Variants in SLC25A21 observed in about 807,000 individuals in gnomAD.
The protein encoded by SLC25A21 is solute carrier family 25 member 21, also known as mitochondrial 2-oxodicarboxylate carrier.
SLC25A21 carries 47 observed loss-of-function variants against 43.8 expected under a neutral mutation model. That is an observed-to-expected ratio of 1.07 (90% CI 0.85 to 1.37). The LOEUF (loss-of-function observed/expected upper bound fraction) is 1.37, where lower values mean the gene tolerates loss of function less well. SLC25A21 is among the 40% of genes most tolerant of loss of function. The probability of loss-of-function intolerance (pLI) is 0.00; values close to 1 mark genes in which losing one functional copy is unlikely to be tolerated. For synonymous variants in SLC25A21, 131 were observed against 121.3 expected, an observed-to-expected ratio of 1.08 and a Z score of -0.52; for missense variants, 352 against 350.2, an observed-to-expected ratio of 1.00 and a Z score of -0.04.
chr14:37,034,007 G>A (rs911189422), intron 1 of SLC25A21, among the ~76,000 whole-genome samples: 5 of 148,932 alleles, frequency 3.4e-5, no homozygotes, highest in African/African-American at 1.2e-4. Flanking sequence ...TGGGATTCTG[G>A]GGAGGTCACA....
At chr14:36,882,199 A>G (rs1316762481) in intron 1 of SLC25A21, among the ~76,000 whole-genome samples, 1 of 152,176 alleles carries the variant, frequency 6.6e-6, no homozygotes, top group South Asian at 2.1e-4. Context: ...TTTGGCCAAC[A>G]TGGTAAAACC....
At chr14:37,005,966 T>C (rs897405941) in intron 1 of SLC25A21, among the ~76,000 whole-genome samples, 10 of 152,202 alleles carry the variant, frequency 6.6e-5, no homozygotes, top group Non-Finnish European at 1.3e-4. Flanking sequence ...TCAAACTTTA[T>C]TGCACATAAC....
Position 36,679,486 on chromosome 14 carries a change from AC to A in SLC25A21, c.*1171del. ...ACTTTCAGTTATTCTTGTTGACTTT[AC>A]TGAATCAGCATCATCTCTGGATGCA... On this transcript the variant is annotated 3_prime_UTR_variant, in exon 10 of 10. Transcript: ENST00000331299. 4 of 985,400 alleles carry A rather than the reference AC, an allele frequency of 4.1e-6. No individual in the cohort carries two copies. Among genetic ancestry groups the A allele is most frequent in the Non-Finnish European group, 4.8e-6 (4 of 829,914 alleles). The allele number at this position is 985,400 out of a possible 1,614,324, so 61.0% of individuals were successfully genotyped here. A position where few individuals can be genotyped will look rare whatever the true frequency, so the allele number is the denominator to read the frequency against.
intron 5 of SLC25A21, among the ~76,000 whole-genome samples, chr14:36,725,965 G>C (rs1566542847): frequency 6.6e-6 from 1 of 152,154 alleles, no homozygotes; most frequent in Non-Finnish European, 1.5e-5. Context: ...TTGTTTTACT[G>C]ATTTAAAGGT....
chr14:36,728,731 T>C (rs995650889), intron 5 of SLC25A21, among the ~76,000 whole-genome samples: 1 of 152,238 alleles, frequency 6.6e-6, no homozygotes, highest in Non-Finnish European at 1.5e-5. Context: ...TCCATTTCAT[T>C]GGACAAATGA....
chr14:36,985,087 A>G (rs530302654), intron 1 of SLC25A21, among the ~76,000 whole-genome samples: 76 of 151,424 alleles, frequency 5.0e-4, no homozygotes, highest in African/African-American at 1.3e-3. Context: ...CAAAAAACCA[A>G]ACACCGCATA....
chr14:36,770,664 G>C (rs1359721318), intron 3 of SLC25A21, among the ~76,000 whole-genome samples: 1 of 152,102 alleles, frequency 6.6e-6, no homozygotes, highest in Non-Finnish European at 1.5e-5. Flanking sequence ...TAGACATCAG[G>C]CTCTTGGTGA....
At position 37,123,718 on chromosome 14, in the gene SLC25A21, G is replaced by C. The variant is rs531768379; in HGVS notation, c.70+48563C>G. Among the ~76,000 whole-genome samples, 4 of 152,074 alleles carry C rather than the reference G, an allele frequency of 2.6e-5. No individual in the cohort carries two copies. In the South Asian group the frequency reaches 8.3e-4, roughly 32 times the overall value. ...TCCTATAAATGGGATTTTAAACACA[G>C]AAACTAAAGACTATAAGGAGGGGCA... is the stretch of plus-strand genomic sequence containing the variant. On this transcript the variant is annotated intron_variant, in intron 1 of 9. Coordinates refer to ENST00000331299, the MANE Select transcript of SLC25A21 (RefSeq NM_030631.4).
At chr14:36,789,131 T>C (rs1432321030) in intron 3 of SLC25A21, among the ~76,000 whole-genome samples, 2 of 152,226 alleles carry the variant, frequency 1.3e-5, no homozygotes, top group Non-Finnish European at 1.5e-5. Context: ...GTAAAATACA[T>C]ACAAATATTA....
chr14:37,032,654 G>C (rs1351757420), intron 1 of SLC25A21, among the ~76,000 whole-genome samples: 2 of 116,464 alleles, frequency 1.7e-5, no homozygotes, highest in South Asian at 5.3e-4. Context: ...CTGGGCAACA[G>C]AGTGAGACTC....
At chr14:37,091,517 C>T (rs1032188092) in intron 1 of SLC25A21, among the ~76,000 whole-genome samples, 5 of 151,554 alleles carry the variant, frequency 3.3e-5, no homozygotes, top group Non-Finnish European at 7.4e-5. Context: ...ACAAAAAAGC[C>T]CCAACACATA....
intron 1 of SLC25A21, among the ~76,000 whole-genome samples, chr14:37,059,465 T>C (rs552435656): frequency 6.6e-6 from 1 of 152,196 alleles, no homozygotes; most frequent in African/African-American, 2.4e-5. Flanking sequence ...GTCACACAAA[T>C]TATTCTCCCC....
rs541216902 is a variant in SLC25A21 at position 36,746,137 on chromosome 14, A to C, written c.204-11564T>G. Among the ~76,000 whole-genome samples, 218 of 152,324 alleles carry C rather than the reference A, an allele frequency of 1.4e-3. 2 individuals carry two copies. Among genetic ancestry groups the C allele is most frequent in the African/African-American group, 4.8e-3 (199 of 41,582 alleles). The stretch of plus-strand genomic sequence containing the variant: ...AAAGGAAAAAAAAGCATCATATCAA[A>C]AAGATACCTGCACTCATCTGTTTAT... On this transcript the variant is annotated intron_variant, in intron 3 of 9. Coordinates refer to ENST00000331299, the MANE Select transcript of SLC25A21 (RefSeq NM_030631.4).
chr14:36,959,484 T>C (rs906013560), intron 1 of SLC25A21, among the ~76,000 whole-genome samples: 2 of 152,136 alleles, frequency 1.3e-5, no homozygotes, highest in Non-Finnish European at 1.5e-5. Flanking sequence ...AACCTGAGCA[T>C]GCCCAGTCCT....
chr14:37,040,941 T>C (rs1228574455), intron 1 of SLC25A21, among the ~76,000 whole-genome samples: 2 of 151,876 alleles, frequency 1.3e-5, no homozygotes, highest in Non-Finnish European at 2.9e-5. Flanking sequence ...CATTCTAATA[T>C]TGTGAGTTTG....
At chr14:36,790,160 T>C (rs1286894552) in intron 3 of SLC25A21, among the ~76,000 whole-genome samples, 1 of 150,996 alleles carries the variant, frequency 6.6e-6, no homozygotes, top group African/African-American at 2.4e-5. Flanking sequence ...TTAAGTGTCC[T>C]TTCTGAAGTG....
intron 1 of SLC25A21, among the ~76,000 whole-genome samples, chr14:37,068,451 T>C (rs1382017186): frequency 6.6e-6 from 1 of 152,222 alleles, no homozygotes; most frequent in African/African-American, 2.4e-5. Flanking sequence ...TAGATTTTCA[T>C]TAAATGAATG....
At chr14:36,702,064 C>T (rs1419867845) in intron 7 of SLC25A21, among the ~76,000 whole-genome samples, 1 of 152,154 alleles carries the variant, frequency 6.6e-6, no homozygotes, top group African/African-American at 2.4e-5. Flanking sequence ...TATGTCTGTT[C>T]CATATAACCC....
chr14:36,898,335 G>T (rs8014016), intron 1 of SLC25A21, among the ~76,000 whole-genome samples: 5,607 of 152,256 alleles, frequency 0.037, 172 homozygotes, highest in African/African-American at 0.081. Context: ...CTCCGATCCA[G>T]GCACAGGATA....
Sources: allele counts gnomAD v4.1 joint callset (sites outside exome capture counted in the v4.1 genomes callset), GRCh38; gene constraint gnomAD v4.1.1; transcripts MANE v1.5; gene names NCBI Gene and HGNC (gene_info 2026-07-23, HGNC 2026-07-21).